TBC1D21: variants seen among roughly 807,000 people sequenced by gnomAD.
The protein encoded by TBC1D21 is male germ cell Rab GTPase-activating protein.
A neutral mutation model predicts 46.0 loss-of-function variants in TBC1D21; 38 were observed. The ratio of observed to expected loss-of-function variants is 0.83; its 90% CI spans 0.64 to 1.08. TBC1D21 has a LOEUF of 1.08. Among genes scored for constraint, TBC1D21 ranks in the 50% least tolerant of loss-of-function variants. TBC1D21 has a pLI of 0.00. For synonymous variants in TBC1D21, 151 were observed against 157.2 expected, an observed-to-expected ratio of 0.96 and a Z score of 0.29; for missense variants, 415 against 417.9, an observed-to-expected ratio of 0.99 and a Z score of 0.06.
intron 1 of TBC1D21, among the ~76,000 whole-genome samples, chr15:73,875,348 A>G (rs200227478): frequency 6.7e-6 from 1 of 149,244 alleles, no homozygotes; most frequent in Admixed American, 6.7e-5. Context: ...GAGGGAGGGA[A>G]GCTTAAGCAA....
intron 6 of TBC1D21, among the ~76,000 whole-genome samples, 193 bp from the exon 7 acceptor site, chr15:73,885,885 C>T (rs1428077606): frequency 2.0e-5 from 3 of 151,928 alleles, no homozygotes; most frequent in Non-Finnish European, 2.9e-5. Flanking sequence ...GACAAACTTG[C>T]ATACACAGAT....
chr15:73,891,262 A>C (rs2068334384), downstream of TBC1D21, among the ~76,000 whole-genome samples: 1 of 152,186 alleles, frequency 6.6e-6, no homozygotes, highest in African/African-American at 2.4e-5. Flanking sequence ...TCCATTCTGG[A>C]GATAGAACTA....
chr15:73,884,931 C>T, intron 5 of TBC1D21, 40 bp downstream of exon 5: 1 of 1,610,762 alleles, frequency 6.2e-7, no homozygotes, highest in Non-Finnish European at 8.5e-7. Flanking sequence ...CTCCCAGGAC[C>T]TGGCCCAACC....
chr15:73,881,498 C>T lies in TBC1D21; in HGVS notation c.160C>T (p.Leu54=). The T allele has an allele frequency of 6.2e-7, 1 of 1,614,078 alleles. No homozygotes were observed. The highest frequency in any genetic ancestry group is 1.1e-5 in the South Asian group (1 of 91,084). ...ACGGGACTTCATTTGTGTTAACATCCTGGAAAGGGTGGGTCCCCAAGCTAC... is the reference window on the plus strand; with the variant it reads ...ACGGGACTTCATTTGTGTTAACATCTTGGAAAGGGTGGGTCCCCAAGCTAC... ...KSRDFICVNI[L]ERGLHPFVRT... The change falls in exon 2 of 11, where the codon CTG becomes TTG. Residue 54 remains leucine, a synonymous_variant. Coordinates refer to ENST00000300504, the MANE Select transcript of TBC1D21 (RefSeq NM_153356.3).
chr15:73,904,449 G>A, the TBC1D21 span, among the ~76,000 whole-genome samples: 1 of 152,214 alleles, frequency 6.6e-6, no homozygotes. Flanking sequence ...GTCTGAAATC[G>A]GCTATGGCAA....
chr15:73,880,482 C>T (rs2068134411), intron 1 of TBC1D21, among the ~76,000 whole-genome samples: 1 of 151,962 alleles, frequency 6.6e-6, no homozygotes, highest in Admixed American at 6.6e-5. Flanking sequence ...TTTAAAAATA[C>T]AAGAAAGGCC....
At chr15:73,891,826 C>T (rs116277542), downstream of TBC1D21, among the ~76,000 whole-genome samples, 240 of 152,372 alleles carry the variant, frequency 1.6e-3, 1 homozygote, top group African/African-American at 5.5e-3. Context: ...GGAAGAGAGG[C>T]TGAGGGGGTG....
chr15:73,887,237 C>T (rs1389493834), intron 8 of TBC1D21, among the ~76,000 whole-genome samples: 1 of 152,208 alleles, frequency 6.6e-6, no homozygotes, highest in Non-Finnish European at 1.5e-5. Context: ...ATGACCACAC[C>T]CAGGCCTTTG....
chr15:73,898,863 C>CAAAAAAAAAAAAAAAAA, the TBC1D21 span, among the ~76,000 whole-genome samples: 1 of 24,112 alleles, frequency 4.1e-5, no homozygotes, highest in East Asian at 1.6e-3. Flanking sequence ...GACTCCATCT[C>CAAAAAAAAAAAAAAAAA]AAAAAAAAAA....
At chr15:73,875,887 T>C (rs12902790) in intron 1 of TBC1D21, among the ~76,000 whole-genome samples, 145,968 of 152,272 alleles carry the variant, frequency 0.96, 70,266 homozygotes, top group East Asian at 1. Flanking sequence ...TATGGGAAGA[T>C]GAAGGTTGAT....
the TBC1D21 span, among the ~76,000 whole-genome samples, chr15:73,901,039 A>G: frequency 6.6e-6 from 1 of 152,210 alleles, no homozygotes; most frequent in South Asian, 2.1e-4. Flanking sequence ...TAGATCAGGA[A>G]GTCCAGGATG....
At chr15:73,889,520 T>C (rs929552644), downstream of TBC1D21, among the ~76,000 whole-genome samples, 7 of 152,374 alleles carry the variant, frequency 4.6e-5, no homozygotes, top group African/African-American at 1.7e-4. Flanking sequence ...ACTTAGGTCC[T>C]GAGAGGAAGG....
At chr15:73,885,192 AC>A in intron 6 of TBC1D21, 89 bp downstream of exon 6, 1 of 1,199,206 alleles carries the variant, frequency 8.3e-7, no homozygotes. Context: ...GGCATTGGCC[AC>A]CCCAGCCATT....
downstream of TBC1D21, among the ~76,000 whole-genome samples, chr15:73,892,853 A>G (rs2068347986): frequency 6.6e-6 from 1 of 152,236 alleles, no homozygotes; most frequent in African/African-American, 2.4e-5. Flanking sequence ...ATTCCATGAC[A>G]ATAACACAAT....
intron 1 of TBC1D21, among the ~76,000 whole-genome samples, chr15:73,876,242 T>TC (rs2068065403): frequency 8.9e-6 from 1 of 112,496 alleles, no homozygotes; most frequent in Non-Finnish European, 1.8e-5. Context: ...TTTTTTTTTT[T>TC]TTTGAGACGG....
chr15:73,888,313 G>GACTGCT (rs2068287128), intron 9 of TBC1D21, 117 bp from the exon 10 acceptor site: 1 of 810,206 alleles, frequency 1.2e-6, no homozygotes, highest in South Asian at 1.6e-5. Flanking sequence ...GGTCCCCAGC[G>GACTGCT]ACTGCTGTGA....
chr15:73,909,428 C>A, the TBC1D21 span, among the ~76,000 whole-genome samples: 10 of 152,166 alleles, frequency 6.6e-5, no homozygotes, highest in South Asian at 2.1e-3. Flanking sequence ...ATAATAAATG[C>A]TAGCTACTAG....
At chr15:73,903,031 C>A in the TBC1D21 span, among the ~76,000 whole-genome samples, 1 of 152,334 alleles carries the variant, frequency 6.6e-6, no homozygotes, top group African/African-American at 2.4e-5. Context: ...CCAGTCCCAG[C>A]GACCGTGCAA....
Position 73,885,042 on chromosome 15 carries a change from A to T in TBC1D21, c.518A>T (p.Gln173Leu). ...TTCCATGAGATGATGATGCTCTTCC[A>T]GCTGATGGTGGAGCACGACCACGAG... ...QGFHEMMMLFQLMVEHDHETF... is the reference protein window; with the variant it reads ...QGFHEMMMLFLLMVEHDHETF... The change falls in exon 6 of 11, where the codon CAG becomes CTG. Residue 173 changes from glutamine (Q) to leucine (L), a missense_variant. Physicochemically the swap from Gln to Leu is moderately radical, Grantham distance 113. Transcript: ENST00000300504. 6.2e-7 allele frequency: 1 copy of T among 1,608,382 alleles called. No homozygotes were observed. The highest frequency in any genetic ancestry group is 8.5e-7 in the Non-Finnish European group (1 of 1,179,134).
Sources: allele counts gnomAD v4.1 joint callset (sites outside exome capture counted in the v4.1 genomes callset), GRCh38; gene constraint gnomAD v4.1.1; transcripts MANE v1.5; gene names NCBI Gene and HGNC (gene_info 2026-07-23, HGNC 2026-07-21).